The following MYO19 variants were observed in gnomAD, a reference collection of about 807,000 sequenced individuals.
MYO19 encodes myosin XIX, also known as unconventional myosin-XIX.
In MYO19, 132 loss-of-function variants were observed where a neutral mutation model predicts 129.2. The observed-to-expected ratio is 1.02, with a 90% CI of 0.89 to 1.18. The LOEUF (loss-of-function observed/expected upper bound fraction) is 1.18. MYO19 is among the 50% of genes most tolerant of loss of function. MYO19 has a pLI of 0.00. For synonymous variants in MYO19, 531 were observed against 477.2 expected, an observed-to-expected ratio of 1.11 and a Z score of -1.47; for missense variants, 1,210 against 1,216.7, an observed-to-expected ratio of 0.99 and a Z score of 0.08.
Position 36,542,676 on chromosome 17 carries a change from GCGA to G in MYO19, n.310+447_310+449del, listed in dbSNP as rs570105663. The stretch of plus-strand genomic sequence containing the variant: ...ATAGCGCCACTGCACTCCAGCCTGG[GCGA>G]CAGAGTGAGACTCCGTCTCAAAAAA... On this transcript the variant is annotated intron_variant and non_coding_transcript_variant, in intron 1 of 2. Transcript: ENST00000610496. Among the ~76,000 whole-genome samples the G allele has an allele frequency of 4.6e-3, 694 of 151,014 alleles. 3 individuals carry two copies. The highest frequency in any genetic ancestry group is 0.016 in the African/African-American group (655 of 41,226).
At chr17:36,516,030 C>G in intron 6 of MYO19, 40 bp from the exon 7 acceptor site, 1 of 1,575,264 alleles carries the variant, frequency 6.3e-7, no homozygotes, top group Non-Finnish European at 8.6e-7. Context: ...TATCTATGCT[C>G]CCGCCCACTT....
At chr17:36,498,182 A>C (rs934508641) in intron 25 of MYO19, 84 bp downstream of exon 25, 6 of 1,464,862 alleles carry the variant, frequency 4.1e-6, no homozygotes, top group Non-Finnish European at 4.6e-6. Context: ...TCCCAGCCTC[A>C]GTCTCATTCC....
In MYO19 at chr17:36,527,127, T is replaced by C. The variant is rs146551461; in HGVS notation, c.300+424A>G. The stretch of plus-strand genomic sequence containing the variant: ...GTTGCGCTGAGCCCAGATCATGCCA[T>C]TGCACTCCAGTCTGGGCAATAAGAC... On this transcript the variant is annotated intron_variant, in intron 5 of 25. Transcript: ENST00000614623. Among the ~76,000 whole-genome samples, 528 of 151,938 alleles carry C rather than the reference T, an allele frequency of 3.5e-3. 2 individuals carry two copies. The highest frequency in any genetic ancestry group is 5.7e-3 in the Non-Finnish European group (385 of 67,974).
At chr17:36,532,480 T>G (rs755492089) in intron 3 of MYO19, 47 bp downstream of exon 3, 6 of 1,551,790 alleles carry the variant, frequency 3.9e-6, no homozygotes, top group Non-Finnish European at 5.2e-6. Context: ...TAGCAACAGA[T>G]GCTGCAGGTG....
rs763595894 is a variant in MYO19, at chr17:36,528,100, C to T, written c.115G>A (p.Asp39Asn). ...GTCACAGGATTCACCCTGGTGAGGT[C>T]ATCCAGTTTGTACAGCAGGACCTCC... The part of the protein sequence containing the change: ...GGEVLLYKLD[D>N]LTRVNPVTLE... Residue 39 changes from aspartate (D) to asparagine (N), a missense_variant, in exon 4 of 26, where the codon GAC becomes AAC. Transcript: ENST00000614623. 6.2e-6 allele frequency: 10 copies of T among 1,613,874 alleles called. No homozygotes were observed. Among genetic ancestry groups the T allele is most frequent in the Admixed American group, 3.3e-5 (2 of 60,012 alleles).
intron 13 of MYO19, 72 bp from the exon 14 acceptor site, chr17:36,509,207 C>T (rs896776640): frequency 4.3e-6 from 6 of 1,398,666 alleles, no homozygotes; most frequent in African/African-American, 2.8e-5. Flanking sequence ...ATTGCTCCCC[C>T]CATCAGGGTG....
chr17:36,532,687 G>T lies in MYO19; in HGVS notation c.-143-6C>A. ...CAGACAAGTCACTCCAGCGCCTGTG[G>T]CATGAGAGAGAAGACAAGGACCACA... On this transcript the variant is annotated splice_polypyrimidine_tract_variant and splice_region_variant and intron_variant, in intron 2 of 25. Transcript: ENST00000614623. The T allele has an allele frequency of 1.1e-6, 1 of 915,968 alleles. No individual in the cohort carries two copies. 56.7% of individuals were successfully genotyped at this position (915,968 alleles called of 1,614,324 possible).
At chr17:36,536,609 G>A (rs1236234946), upstream of MYO19, among the ~76,000 whole-genome samples, 1 of 137,718 alleles carries the variant, frequency 7.3e-6, no homozygotes, top group Admixed American at 8.3e-5. Context: ...CTGCTTCCCC[G>A]GTTCAACCGA....
At chr17:36,537,291 C>T (rs2074154409), upstream of MYO19, 2 of 1,613,696 alleles carry the variant, frequency 1.2e-6, no homozygotes. Flanking sequence ...CTTTGTTGTC[C>T]TAATAGTTCC....
chr17:36,529,953 G>A (rs576394209), intron 3 of MYO19, among the ~76,000 whole-genome samples: 2 of 152,280 alleles, frequency 1.3e-5, no homozygotes, highest in East Asian at 3.9e-4. Flanking sequence ...GGAGGCTTAG[G>A]TAGAAGAACC....
chr17:36,534,628 AAAG>A (rs2074024418), intron 1 of MYO19, 130 bp downstream of exon 1: 1 of 152,550 alleles, frequency 6.6e-6, no homozygotes, highest in African/African-American at 2.4e-5. Flanking sequence ...GAAAAGGCAA[AAAG>A]GAGGGAAACG....
chr17:36,505,502 C>T, intron 18 of MYO19, 98 bp from the exon 19 acceptor site: 1 of 810,632 alleles, frequency 1.2e-6, no homozygotes, highest in Non-Finnish European at 2.0e-6. Context: ...CTCCAGCGGG[C>T]CCTTCCATGA....
Position 36,496,283 on chromosome 17 carries a change from C to CAGA in MYO19, c.2880_2881insTCT (p.His960_Val961insSer). ...AGCCCAGTGAAGGCAGAAGAGGTCACGTGGATCAGCCTGTGTCTTTCCAGC... is the reference window on the plus strand; with the variant it reads ...AGCCCAGTGAAGGCAGAAGAGGTCACAGAGTGGATCAGCCTGTGTCTTTCCAGC... On this transcript the variant is annotated inframe_insertion, in exon 26 of 26. Coordinates refer to ENST00000614623, the MANE Select transcript of MYO19 (RefSeq NM_001163735.2). 6.2e-7 allele frequency: 1 copy of CAGA among 1,614,022 alleles called. No homozygotes were observed.
chr17:36,528,135 A>T lies in MYO19; in HGVS notation c.80T>A (p.Phe27Tyr), dbSNP rs1288900318. 2 of 1,613,148 alleles carry T rather than the reference A, an allele frequency of 1.2e-6. No individual in the cohort carries two copies. The highest frequency in any genetic ancestry group is 2.7e-5 in the African/African-American group (2 of 75,052). Reference protein sequence around the residue: ...REYLREDLQEFLGGEVLLYKL... With the variant: ...REYLREDLQEYLGGEVLLYKL... The stretch of plus-strand genomic sequence containing the variant: ...GTACAGCAGGACCTCCCCACCCAGG[A>T]ACTCCTGCAGGTCTTCTCTGAGGTA... Residue 27 changes from phenylalanine to tyrosine, a missense_variant, in exon 4 of 26, where the codon TTC becomes TAC. Phe to Tyr is a conservative substitution (Grantham distance 22, BLOSUM62 3). Transcript: ENST00000614623.
intron 19 of MYO19, 181 bp from the exon 20 acceptor site, chr17:36,504,201 C>T: frequency 1.9e-6 from 1 of 524,492 alleles, no homozygotes; most frequent in South Asian, 2.8e-5. Context: ...GAAAACAAAT[C>T]TCCCACTAGA....
At chr17:36,498,646 A>G (rs766751655) in intron 24 of MYO19, 87 bp from the exon 25 acceptor site, 5 of 1,421,388 alleles carry the variant, frequency 3.5e-6, no homozygotes, top group South Asian at 2.9e-5. Context: ...TTAACAAATC[A>G]TCTTAACAAG....
At chr17:36,521,614 T>C (rs1033323042) in intron 6 of MYO19, among the ~76,000 whole-genome samples, 1 of 152,140 alleles carries the variant, frequency 6.6e-6, no homozygotes, top group Admixed American at 6.5e-5. Context: ...CCACACAAAG[T>C]ACCCAGCATA....
rs776257543 is a variant in MYO19, at chr17:36,500,937, C to T, written c.2270G>A (p.Arg757His). 2.5e-6 allele frequency: 4 copies of T among 1,611,704 alleles called. No individual in the cohort carries two copies. Among genetic ancestry groups the T allele is most frequent in the Non-Finnish European group, 3.4e-6 (4 of 1,178,758 alleles). ...DSMLELLECGRARVLEQCARC... is the reference protein window; with the variant it reads ...DSMLELLECGHARVLEQCARC... Reference sequence around the variant, plus strand: ...GGCACACTGCTCCAGCACCCGGGCACGCCCACATTCCAGAAGCTCCAGCTG... The same window carrying T: ...GGCACACTGCTCCAGCACCCGGGCATGCCCACATTCCAGAAGCTCCAGCTG... Residue 757 changes from arginine to histidine, a missense_variant, in exon 23 of 26, where the codon CGT (arginine) becomes CAT (histidine). Transcript: ENST00000614623.
intron 8 of MYO19, 107 bp downstream of exon 8, chr17:36,515,006 G>A (rs1464660355): frequency 3.3e-6 from 3 of 920,824 alleles, no homozygotes; most frequent in Non-Finnish European, 5.0e-6. Flanking sequence ...GCACCAGGAG[G>A]AGCAGGGTTT....
Sources: gnomAD v4.1 joint callset for allele counts (sites outside exome capture counted in the v4.1 genomes callset) on GRCh38, gnomAD v4.1.1 for gene constraint, MANE v1.5 for transcripts, NCBI Gene and HGNC (gene_info 2026-07-23, HGNC 2026-07-21) for gene names.